The following PATL2 variants were observed in gnomAD, a reference collection of about 807,000 sequenced individuals.
The protein encoded by PATL2 is PAT1 homolog 2.
Under a neutral mutation model 77.0 loss-of-function variants are expected in PATL2, and 73 were observed. The ratio of observed to expected loss-of-function variants is 0.95; its 90% CI spans 0.78 to 1.15. The LOEUF (loss-of-function observed/expected upper bound fraction) is 1.15. Among genes scored for constraint, PATL2 ranks in the 50% most tolerant of loss-of-function variants. PATL2 has a pLI of 0.00. For missense variants in PATL2, 618 were observed against 655.4 expected (o/e 0.94, Z 0.62); for synonymous variants, 265 against 257.1 (o/e 1.03, Z -0.29).
intron 3 of PATL2, 47 bp from the exon 4 acceptor site, chr15:44,676,612 A>T: frequency 6.8e-7 from 1 of 1,469,078 alleles, no homozygotes; most frequent in Non-Finnish European, 9.3e-7. Context: ...GTCAGTAAGG[A>T]TGACATGGCA....
chr15:44,707,764 C>T (rs2086770804), intron 3 of PATL2, among the ~76,000 whole-genome samples: 1 of 152,208 alleles, frequency 6.6e-6, no homozygotes, highest in South Asian at 2.1e-4. Context: ...GTGCCCCCCA[C>T]ATTCACTGGC....
intron 3 of PATL2, among the ~76,000 whole-genome samples, chr15:44,688,777 A>G (rs898946362): frequency 6.6e-6 from 1 of 152,220 alleles, no homozygotes; most frequent in African/African-American, 2.4e-5. Context: ...AACCTAGGCA[A>G]TACCATTCAG....
At chr15:44,674,865 G>C (rs2085876388) in intron 5 of PATL2, 1 of 151,860 alleles carries the variant, frequency 6.6e-6, no homozygotes, top group Admixed American at 6.6e-5. Context: ...CACTGCCCCT[G>C]GCCAGTTTAA....
chr15:44,672,152 GGGGAC>G lies in PATL2; in HGVS notation c.516-1_519del. On this transcript the variant is annotated splice_acceptor_variant and coding_sequence_variant, in exon 9 of 18. Coordinates refer to ENST00000682850, the MANE Select transcript of PATL2 (RefSeq NM_001387263.1). LOFTEE classifies it high-confidence loss of function. Reference sequence around the variant, plus strand: ...TGCTGAGACCAAGGCTTCTTGGCTGGGGGACTTTAAGCCAGGAGGAACAACCCTTT... The same window carrying G: ...TGCTGAGACCAAGGCTTCTTGGCTGGTTTAAGCCAGGAGGAACAACCCTTT... 1 of 1,551,684 alleles carries G rather than the reference GGGGAC, an allele frequency of 6.4e-7. No homozygotes were observed. Among genetic ancestry groups the G allele is most frequent in the Non-Finnish European group, 8.7e-7 (1 of 1,147,000 alleles).
In PATL2 at chr15:44,671,059, T is replaced by G. The variant is rs572349248; in HGVS notation, c.657+956A>C. ...TGCCAAAAAGGCAAGAATACAAAAC[T>G]ATTTCACTTTCAGTGACCCTCGCAG... On this transcript the variant is annotated intron_variant, in intron 9 of 17. Transcript: ENST00000682850. Among the ~76,000 whole-genome samples, 3 of 152,362 alleles carry G rather than the reference T, an allele frequency of 2.0e-5. No individual in the cohort carries two copies. The East Asian group carries it at 5.8e-4, about 29-fold the overall frequency.
chr15:44,666,907 T>TATG (rs2085401129), intron 16 of PATL2, 199 bp downstream of exon 16: 1 of 551,768 alleles, frequency 1.8e-6, no homozygotes, highest in Admixed American at 3.4e-5. Context: ...CCTTAGGTAC[T>TATG]ATGTTATACT....
intron 3 of PATL2, among the ~76,000 whole-genome samples, chr15:44,680,507 G>T (rs532241800): frequency 6.6e-6 from 1 of 151,982 alleles, no homozygotes; most frequent in East Asian, 1.9e-4. Context: ...ACTTCCAGGT[G>T]GGGGGCTCTC....
At chr15:44,693,432 G>A (rs1304320817) in intron 3 of PATL2, among the ~76,000 whole-genome samples, 1 of 152,156 alleles carries the variant, frequency 6.6e-6, no homozygotes. Flanking sequence ...AAGCCAGCTT[G>A]TGGCATCTCT....
intron 15 of PATL2, among the ~76,000 whole-genome samples, chr15:44,667,970 T>C (rs2085467611): frequency 6.6e-6 from 1 of 152,196 alleles, no homozygotes; most frequent in African/African-American, 2.4e-5. Context: ...ATTTATTATG[T>C]ACCTATTATT....
At chr15:44,692,419 A>G (rs367836637) in intron 3 of PATL2, among the ~76,000 whole-genome samples, 6 of 152,212 alleles carry the variant, frequency 3.9e-5, no homozygotes, top group African/African-American at 1.4e-4. Context: ...CAACAAAAAA[A>G]CCAGCTCTGT....
At position 44,668,389 on chromosome 15, in the gene PATL2, G is replaced by A; in HGVS notation, c.1318C>T (p.Pro440Ser). ...LQGLQGLTLL[P>S]PGSSERPVTV... ...ACTGGCCGCTCTGAGGAGCCAGGTG[G>A]CAACAGCGTTAATCCCTGAAGTCCT... The change falls in exon 15 of 18, where the codon CCA (proline) becomes TCA (serine). Residue 440 changes from proline (P) to serine (S), a missense_variant. By Grantham distance (74) the Pro-to-Ser change is moderately conservative. Transcript: ENST00000682850. The A allele has an allele frequency of 6.4e-7, 1 of 1,551,212 alleles. No individual in the cohort carries two copies.
intron 3 of PATL2, among the ~76,000 whole-genome samples, chr15:44,704,184 A>G (rs2086687625): frequency 6.7e-6 from 1 of 149,470 alleles, no homozygotes; most frequent in African/African-American, 2.5e-5. Flanking sequence ...GGTAGAGACA[A>G]GCACTTTTGT....
chr15:44,687,547 T>A (rs2086287954), intron 3 of PATL2, among the ~76,000 whole-genome samples: 1 of 152,182 alleles, frequency 6.6e-6, no homozygotes. Flanking sequence ...GTATTGGAAG[T>A]TCTGGCCAGG....
chr15:44,670,602 C>A (rs774204709), intron 9 of PATL2, among the ~76,000 whole-genome samples: 1 of 152,226 alleles, frequency 6.6e-6, no homozygotes, highest in Non-Finnish European at 1.5e-5. Context: ...CTGGGCCCCA[C>A]ATCACCCATC....
chr15:44,694,947 AAG>A (rs2086471702), intron 3 of PATL2, among the ~76,000 whole-genome samples: 1 of 152,080 alleles, frequency 6.6e-6, no homozygotes, highest in African/African-American at 2.4e-5. Flanking sequence ...AGTAGCCAGA[AAG>A]AGTCATCGTC....
Position 44,668,366 on chromosome 15 carries a change from T to A in PATL2, c.1341A>T (p.Pro447=). 1 of 1,550,990 alleles carries A rather than the reference T, an allele frequency of 6.4e-7. No homozygotes were observed. The highest frequency in any genetic ancestry group is 8.7e-7 in the Non-Finnish European group (1 of 1,146,892). The change falls in exon 15 of 18, where the codon CCA becomes CCT. Residue 447 remains proline, a synonymous_variant. Transcript: ENST00000682850. ...CCTGATTCTGAAGCACCACGGTGAC[T>A]GGCCGCTCTGAGGAGCCAGGTGGCA... The part of the protein sequence containing the change: ...TLLPPGSSER[P]VTVVLQNQFG...
intron 3 of PATL2, among the ~76,000 whole-genome samples, chr15:44,695,390 C>T (rs1361658854): frequency 6.6e-6 from 1 of 152,202 alleles, no homozygotes; most frequent in Non-Finnish European, 1.5e-5. Flanking sequence ...GCAGCTCCAT[C>T]TTCCCTTTTC....
At chr15:44,674,258 C>G (rs1371821429) in intron 5 of PATL2, 28 bp from the exon 6 acceptor site, 2 of 1,477,930 alleles carry the variant, frequency 1.4e-6, no homozygotes, top group Non-Finnish European at 1.8e-6. Flanking sequence ...AAAAACCAGG[C>G]TCAAATGGGC....
chr15:44,676,800 A>G, intron 3 of PATL2: 1 of 1,187,084 alleles, frequency 8.4e-7, no homozygotes, highest in Non-Finnish European at 1.1e-6. Context: ...CAGGAAGAGA[A>G]GTACTTCCCA....
Sources: allele counts gnomAD v4.1 joint callset (sites outside exome capture counted in the v4.1 genomes callset), GRCh38; gene constraint gnomAD v4.1.1; transcripts MANE v1.5; gene names NCBI Gene and HGNC (gene_info 2026-07-23, HGNC 2026-07-21).